Variants in MSH3 observed in about 807,000 individuals in gnomAD.
MSH3 encodes DNA mismatch repair protein Msh3.
In MSH3, 106 loss-of-function variants were observed where a neutral mutation model predicts 123.3. The ratio of observed to expected loss-of-function variants is 0.86; its 90% confidence interval spans 0.73 to 1.01. The LOEUF is 1.01. Among genes scored for constraint, MSH3 ranks in the 50% least tolerant of loss-of-function variants. MSH3 has a pLI of 0.00. For synonymous variants in MSH3, 515 were observed against 481.4 expected (o/e 1.07, Z -0.91); for missense variants, 1,459 against 1,347.6 (o/e 1.08, Z -1.29).
chr5:80,699,508 A>G (rs927005526), intron 8 of MSH3, among the ~76,000 whole-genome samples: 15 of 148,340 alleles, frequency 1.0e-4, no homozygotes, highest in African/African-American at 3.2e-4. Flanking sequence ...CAGTGATTCA[A>G]GATTGCACCA....
At chr5:80,790,777 A>G (rs1744593516) in intron 18 of MSH3, among the ~76,000 whole-genome samples, 1 of 152,180 alleles carries the variant, frequency 6.6e-6, no homozygotes, top group Admixed American at 6.5e-5. Flanking sequence ...TCACCCGTAA[A>G]GGCAAAGAGA....
At chr5:80,662,601 C>T (rs553571634) in intron 2 of MSH3, among the ~76,000 whole-genome samples, 69 of 152,082 alleles carry the variant, frequency 4.5e-4, no homozygotes, top group African/African-American at 1.4e-3. Context: ...CGGAGGCAGG[C>T]GGATCACCTG....
chr5:80,870,616 G>A (rs912781084), intron 22 of MSH3, among the ~76,000 whole-genome samples: 8 of 152,146 alleles, frequency 5.3e-5, no homozygotes, highest in African/African-American at 1.9e-4. Context: ...CCTTGCAACG[G>A]AAGTTTAGGT....
rs748079064 is a variant in MSH3 at position 80,761,597 on chromosome 5, T to C, written c.1815T>C (p.Ser605=). 2 of 1,614,136 alleles carry C rather than the reference T, an allele frequency of 1.2e-6. No individual in the cohort carries two copies. The highest frequency in any genetic ancestry group is 1.7e-5 in the Admixed American group (1 of 60,016). ...TATCGGAAGTTCTCCATTCAGAATC[T>C]AGTGTGTTTGGTCAGATAGAAAATC... ...DAVSEVLHSE[S]SVFGQIENHL... The change falls in exon 13 of 24, where the codon TCT becomes TCC. Residue 605 remains serine (S), a synonymous_variant. Transcript: ENST00000265081.
chr5:80,735,749 C>T (rs535346796), intron 10 of MSH3, among the ~76,000 whole-genome samples: 2 of 152,138 alleles, frequency 1.3e-5, no homozygotes, highest in East Asian at 3.9e-4. Flanking sequence ...GAAAAACTGT[C>T]CTAAAAATTG....
intron 20 of MSH3, among the ~76,000 whole-genome samples, chr5:80,828,075 A>T (rs576633164): frequency 6.1e-4 from 93 of 152,200 alleles, no homozygotes; most frequent in African/African-American, 2.0e-3. Context: ...ATTACCACCC[A>T]AAGTCCATAG....
At chr5:80,873,382 A>T (rs1580104618) in intron 23 of MSH3, 95 bp downstream of exon 23, 2 of 1,200,694 alleles carry the variant, frequency 1.7e-6, no homozygotes, top group East Asian at 4.9e-5. Flanking sequence ...CATCAGGTCT[A>T]CTTTTAAGCA....
intron 12 of MSH3, among the ~76,000 whole-genome samples, chr5:80,760,203 G>GTTTA (rs1203857159): frequency 1.3e-5 from 2 of 152,120 alleles, no homozygotes; most frequent in Non-Finnish European, 2.9e-5. Flanking sequence ...TCATCCACTT[G>GTTTA]TTTATTTATT....
intron 18 of MSH3, among the ~76,000 whole-genome samples, chr5:80,791,244 TTGA>T (rs2112024841): frequency 6.6e-6 from 1 of 152,308 alleles, no homozygotes; most frequent in East Asian, 1.9e-4. Context: ...CTAATTGGTG[TTGA>T]TAAGTCAAAA....
chr5:80,768,746 T>A (rs1251108369), intron 14 of MSH3, 89 bp from the exon 15 acceptor site: 3 of 1,195,978 alleles, frequency 2.5e-6, no homozygotes, highest in Non-Finnish European at 2.4e-6. Context: ...CTTCCAGTGC[T>A]TTCCTCTTTT....
In MSH3 at chr5:80,864,413, A is replaced by G. The variant is rs113690436; in HGVS notation, c.3001-400A>G. On this transcript the variant is annotated intron_variant, in intron 21 of 23. Transcript: ENST00000265081. Reference sequence around the variant, plus strand: ...CAAAAAAGGAAAGAGACAAAAAGAAACATTGTTGGGAGAATTAGGGAGATT... The same window carrying G: ...CAAAAAAGGAAAGAGACAAAAAGAAGCATTGTTGGGAGAATTAGGGAGATT... Among the ~76,000 whole-genome samples the G allele has an allele frequency of 4.3e-3, 657 of 152,280 alleles. 6 individuals are homozygous for G. Among genetic ancestry groups the G allele is most frequent in the African/African-American group, 0.015 (637 of 41,550 alleles).
chr5:80,833,092 A>G (rs756364701), intron 20 of MSH3, among the ~76,000 whole-genome samples: 2 of 152,172 alleles, frequency 1.3e-5, no homozygotes, highest in Non-Finnish European at 2.9e-5. Flanking sequence ...TTTTTTCCAC[A>G]ATGCTTTATT....
chr5:80,778,952 T>C (rs1057357963), intron 17 of MSH3, 116 bp downstream of exon 17: 2 of 687,598 alleles, frequency 2.9e-6, no homozygotes, highest in Non-Finnish European at 5.2e-6. Flanking sequence ...ATAAAATAGT[T>C]GAGTACATGT....
intron 8 of MSH3, among the ~76,000 whole-genome samples, chr5:80,689,247 T>C (rs992833216): frequency 1.8e-4 from 27 of 152,302 alleles, no homozygotes; most frequent in Admixed American, 3.9e-4. Context: ...AGCTGTTTCA[T>C]TGAGGATGCT....
At chr5:80,731,754 A>G (rs895411849) in intron 10 of MSH3, among the ~76,000 whole-genome samples, 3 of 152,174 alleles carry the variant, frequency 2.0e-5, no homozygotes, top group Non-Finnish European at 4.4e-5. Flanking sequence ...ATTTTGCAAA[A>G]ATAATGTTGC....
At chr5:80,828,677 G>A (rs946530033) in intron 20 of MSH3, among the ~76,000 whole-genome samples, 33 of 152,212 alleles carry the variant, frequency 2.2e-4, no homozygotes, top group Admixed American at 2.0e-3. Context: ...GGTGGGACAG[G>A]TGTAAGACAT....
At chr5:80,852,256 T>C (rs555001230) in intron 20 of MSH3, among the ~76,000 whole-genome samples, 4 of 152,214 alleles carry the variant, frequency 2.6e-5, no homozygotes, top group Non-Finnish European at 4.4e-5. Context: ...GCCTGGGAGG[T>C]TGAGGCTGCA....
intron 8 of MSH3, among the ~76,000 whole-genome samples, chr5:80,704,500 G>A (rs572544164): frequency 6.6e-6 from 1 of 152,100 alleles, no homozygotes; most frequent in East Asian, 1.9e-4. Flanking sequence ...TGTGGCTTAG[G>A]GTATCTGTAT....
chr5:80,654,801 G>A lies in MSH3; in HGVS notation c.74G>A (p.Ser25Asn), dbSNP rs1749191144. The A allele has an allele frequency of 6.2e-7, 1 of 1,606,966 alleles. No homozygotes were observed. The highest frequency in any genetic ancestry group is 8.5e-7 in the Non-Finnish European group (1 of 1,177,444). ...SSAPARQAVL[S>N]RFFQSTGSLK... is the part of the protein sequence containing the mutation. Reference sequence around the variant, plus strand: ...GCCCCTGCGAGGCAAGCGGTTTTGAGCCGATTCTTCCAGTCTACGGGAAGC... The same window carrying A: ...GCCCCTGCGAGGCAAGCGGTTTTGAACCGATTCTTCCAGTCTACGGGAAGC... The change falls in exon 1 of 24, where the codon AGC (serine) becomes AAC (asparagine). Residue 25 changes from serine to asparagine, a missense_variant. Physicochemically the swap from Ser to Asn is conservative, Grantham distance 46 (BLOSUM62 1). Coordinates refer to ENST00000265081, the MANE Select transcript of MSH3 (RefSeq NM_002439.5).
Sources: gnomAD v4.1 joint callset for allele counts (sites outside exome capture counted in the v4.1 genomes callset) on GRCh38, gnomAD v4.1.1 for gene constraint, MANE v1.5 for transcripts, NCBI Gene and HGNC (gene_info 2026-07-23, HGNC 2026-07-21) for gene names.